Variants in BMAL2 observed in about 807,000 individuals in gnomAD.
The protein encoded by BMAL2 is basic helix-loop-helix ARNT like 2.
chr12:27,345,817 GT>G, the BMAL2 span, among the ~76,000 whole-genome samples: 2 of 152,018 alleles, frequency 1.3e-5, no homozygotes, highest in Non-Finnish European at 2.9e-5. Flanking sequence ...AATTTGTTTT[GT>G]TCTTTTTCCC....
chr12:27,400,399 C>G, the BMAL2 span: 1 of 683,202 alleles, frequency 1.5e-6, no homozygotes, highest in Non-Finnish European at 2.2e-6. Context: ...AATGGAATAC[C>G]ATTCCCCTTT....
At chr12:27,399,696 G>A in the BMAL2 span, among the ~76,000 whole-genome samples, 1 of 152,116 alleles carries the variant, frequency 6.6e-6, no homozygotes, top group Non-Finnish European at 1.5e-5. Context: ...AACAATGATT[G>A]TTCTAATCTT....
At chr12:27,358,110 G>A in the BMAL2 span, among the ~76,000 whole-genome samples, 1 of 151,964 alleles carries the variant, frequency 6.6e-6, no homozygotes, top group Non-Finnish European at 1.5e-5. Flanking sequence ...AGAGTTGATA[G>A]ACAACCCAGA....
the BMAL2 span, chr12:27,415,855 AT>A: frequency 6.4e-7 from 1 of 1,563,424 alleles, no homozygotes; most frequent in Non-Finnish European, 8.8e-7. Context: ...TGTTTTATGT[AT>A]CACTTTTTAA....
chr12:27,392,640 A>C, the BMAL2 span, among the ~76,000 whole-genome samples: 7 of 100,808 alleles, frequency 6.9e-5, no homozygotes, highest in Non-Finnish European at 1.3e-4. Context: ...TAAGGATCCA[A>C]TCATTTGTAA....
the BMAL2 span, among the ~76,000 whole-genome samples, chr12:27,379,060 T>C: frequency 6.6e-6 from 1 of 152,296 alleles, no homozygotes; most frequent in African/African-American, 2.4e-5. Flanking sequence ...ATAATGTTTT[T>C]GGAAAGTTTA....
the BMAL2 span, among the ~76,000 whole-genome samples, chr12:27,356,906 C>G: frequency 1.3e-5 from 2 of 151,968 alleles, no homozygotes; most frequent in African/African-American, 4.8e-5. Context: ...CCCTCACCCC[C>G]CCACCCTTTC....
the BMAL2 span, among the ~76,000 whole-genome samples, chr12:27,406,859 A>G: frequency 6.6e-6 from 1 of 152,136 alleles, no homozygotes; most frequent in South Asian, 2.1e-4. Flanking sequence ...TCTCATGTGC[A>G]GAGACAAACA....
At chr12:27,402,124 A>C in the BMAL2 span, among the ~76,000 whole-genome samples, 1 of 152,132 alleles carries the variant, frequency 6.6e-6, no homozygotes, top group Non-Finnish European at 1.5e-5. Context: ...TGCTTTAGCA[A>C]GCTCTGGTCT....
chr12:27,388,069 G>GA, the BMAL2 span, among the ~76,000 whole-genome samples: 3 of 151,734 alleles, frequency 2.0e-5, no homozygotes, highest in Non-Finnish European at 4.4e-5. Context: ...ACTGGAGATG[G>GA]AAAACACACC....
the BMAL2 span, among the ~76,000 whole-genome samples, chr12:27,404,743 G>T: frequency 6.6e-6 from 1 of 152,132 alleles, no homozygotes; most frequent in African/African-American, 2.4e-5. Flanking sequence ...GGGGATTGTT[G>T]GACAGTGGGT....
At chr12:27,342,884 A>C in the BMAL2 span, among the ~76,000 whole-genome samples, 4 of 152,198 alleles carry the variant, frequency 2.6e-5, no homozygotes, top group Non-Finnish European at 5.9e-5. Context: ...TTAGTTTTCA[A>C]CTTGAAATGC....
At chr12:27,398,511 G>C in the BMAL2 span, among the ~76,000 whole-genome samples, 1 of 152,082 alleles carries the variant, frequency 6.6e-6, no homozygotes, top group Non-Finnish European at 1.5e-5. Context: ...TGCACTGGTA[G>C]CGAGCTGTAT....
the BMAL2 span, among the ~76,000 whole-genome samples, chr12:27,404,925 T>G: frequency 6.6e-6 from 1 of 152,168 alleles, no homozygotes; most frequent in African/African-American, 2.4e-5. Flanking sequence ...CCAATGGTCT[T>G]AGCAAGCAGC....
the BMAL2 span, among the ~76,000 whole-genome samples, chr12:27,406,110 C>T: frequency 3.3e-5 from 5 of 152,182 alleles, no homozygotes; most frequent in Admixed American, 1.3e-4. Flanking sequence ...ACCAAATCTA[C>T]GTCTGATTGG....
chr12:27,350,994 C>CCCCCT, the BMAL2 span, among the ~76,000 whole-genome samples: 232 of 94,276 alleles, frequency 2.5e-3, no homozygotes, highest in Non-Finnish European at 3.1e-3. Flanking sequence ...CCCACCCCCC[C>CCCCCT]TTTTTTTTTT....
the BMAL2 span, among the ~76,000 whole-genome samples, chr12:27,392,809 T>C: frequency 2.6e-5 from 4 of 152,204 alleles, no homozygotes; most frequent in Non-Finnish European, 5.9e-5. Context: ...CCAGATTGAA[T>C]TGTCTTTCCT....
At chr12:27,401,185 A>T in the BMAL2 span, 2 of 1,168,394 alleles carry the variant, frequency 1.7e-6, no homozygotes, top group Non-Finnish European at 2.6e-6. Flanking sequence ...TCCTGACCAT[A>T]TGTGGGCCTA....
chr12:27,336,532 C>G, the BMAL2 span, among the ~76,000 whole-genome samples: 1 of 152,312 alleles, frequency 6.6e-6, no homozygotes, highest in Non-Finnish European at 1.5e-5. Context: ...TATGCCCTGC[C>G]GCACCCTGTT....
Sources: allele counts gnomAD v4.1 joint callset (sites outside exome capture counted in the v4.1 genomes callset), GRCh38; gene constraint gnomAD v4.1.1; transcripts MANE v1.5; gene names NCBI Gene and HGNC (gene_info 2026-07-23, HGNC 2026-07-21).